YY1: variants seen among roughly 807,000 people sequenced by gnomAD.
YY1 encodes transcriptional repressor protein YY1.
A neutral mutation model predicts 35.6 loss-of-function variants in YY1; 2 were observed. That is an observed-to-expected ratio of 0.06 (90% CI 0.02 to 0.18). YY1 has a LOEUF of 0.18. Ranked by LOEUF, YY1 falls within the 10% of genes least tolerant of loss-of-function variation. The pLI, the probability that YY1 is intolerant of heterozygous loss-of-function variation, is 1.00. For missense variants in YY1, 322 were observed against 573.4 expected, an observed-to-expected ratio of 0.56 and a Z score of 4.48; for synonymous variants, 268 against 238.9, an observed-to-expected ratio of 1.12 and a Z score of -1.12.
Position 100,276,307 on chromosome 14 carries a change from C to A in YY1, c.904-183C>A. The A allele has an allele frequency of 1.2e-6, 1 of 800,016 alleles. No homozygotes were observed. Among genetic ancestry groups the A allele is most frequent in the African/African-American group, 1.7e-5 (1 of 57,794 alleles). 49.6% of individuals were successfully genotyped at this position (800,016 alleles called of 1,614,324 possible). ...AACTAGGGTTTGCATTGAATGATGA[C>A]TTTTTCAGCTGTCTGCTTTTTGTCT... On this transcript the variant is annotated intron_variant, in intron 3 of 4. Coordinates refer to ENST00000262238, the MANE Select transcript of YY1 (RefSeq NM_003403.5). The surrounding 1 kb of genome is among the most constrained non-coding windows in gnomAD (Gnocchi z 4.1).
At chr14:100,275,378 ATTTAGTTTCACGGTCTCTTCCCTGT>A (rs1313860660) in intron 3 of YY1, among the ~76,000 whole-genome samples, 3 of 152,238 alleles carry the variant, frequency 2.0e-5, no homozygotes, top group Non-Finnish European at 2.9e-5. Context: ...AGCAGGCTAC[ATTTAGTTTCACGGTCTCTTCCCTGT>A]AATGACTGTG....
At chr14:100,252,035 G>C (rs1269657701) in intron 1 of YY1, among the ~76,000 whole-genome samples, 1 of 152,204 alleles carries the variant, frequency 6.6e-6, no homozygotes, top group Non-Finnish European at 1.5e-5. Context: ...GTTTTGGAGA[G>C]TGGACTGGGC....
chr14:100,262,185 A>G (rs1424662226), intron 1 of YY1, 119 bp from the exon 2 acceptor site: 3 of 1,057,412 alleles, frequency 2.8e-6, no homozygotes, highest in East Asian at 2.6e-5. Flanking sequence ...GGGAGAGGGG[A>G]GAACAAATTG....
intron 1 of YY1, among the ~76,000 whole-genome samples, chr14:100,258,565 C>G (rs561768594): frequency 6.6e-6 from 1 of 152,080 alleles, no homozygotes; most frequent in Non-Finnish European, 1.5e-5. Context: ...GGGGTTTCAC[C>G]GTGGTCTCGA....
chr14:100,263,105 A>C (rs568393519), intron 2 of YY1, among the ~76,000 whole-genome samples: 40 of 152,296 alleles, frequency 2.6e-4, no homozygotes, highest in Admixed American at 3.3e-4. Context: ...ACAGGGTTTC[A>C]TCCTGTTGGC....
At chr14:100,257,810 T>C (rs1416787093) in intron 1 of YY1, among the ~76,000 whole-genome samples, 1 of 152,218 alleles carries the variant, frequency 6.6e-6, no homozygotes, top group African/African-American at 2.4e-5. Flanking sequence ...ATCAGTAGCT[T>C]ATTCAGAGTA....
chr14:100,261,548 C>A (rs1366250241), intron 1 of YY1, among the ~76,000 whole-genome samples: 1 of 152,160 alleles, frequency 6.6e-6, no homozygotes, highest in Non-Finnish European at 1.5e-5. Flanking sequence ...TCTGTAAATG[C>A]ACGGGATCAA....
At chr14:100,273,292 A>AT (rs937793653) in intron 2 of YY1, among the ~76,000 whole-genome samples, 45 of 151,684 alleles carry the variant, frequency 3.0e-4, no homozygotes, top group Non-Finnish European at 4.9e-4. Flanking sequence ...TATTTTATTT[A>AT]TTTTTTTAAA....
At chr14:100,247,387 T>C (rs1890849513) in intron 1 of YY1, among the ~76,000 whole-genome samples, 1 of 151,400 alleles carries the variant, frequency 6.6e-6, no homozygotes, top group Non-Finnish European at 1.5e-5. Flanking sequence ...TTTTTTCTTT[T>C]TTTTTTTTTT....
chr14:100,265,873 T>C (rs1891146978), intron 2 of YY1, among the ~76,000 whole-genome samples: 1 of 152,024 alleles, frequency 6.6e-6, no homozygotes, highest in Admixed American at 6.6e-5. Flanking sequence ...GGTCTTGAAC[T>C]CCTAACCTCA....
intron 1 of YY1, among the ~76,000 whole-genome samples, chr14:100,248,135 T>TTTTTTTTTTTA (rs1890862914): frequency 6.7e-6 from 1 of 148,754 alleles, no homozygotes; most frequent in African/African-American, 2.5e-5. Flanking sequence ...TTTTTTTTTT[T>TTTTTTTTTTTA]GAGACAGTCT....
At chr14:100,240,451 C>T (rs901662471) in intron 1 of YY1, among the ~76,000 whole-genome samples, 2 of 151,896 alleles carry the variant, frequency 1.3e-5, no homozygotes, top group Non-Finnish European at 2.9e-5. Flanking sequence ...GGGCGCTTGC[C>T]CCGCCCGCCC....
intron 1 of YY1, among the ~76,000 whole-genome samples, chr14:100,249,154 C>G (rs1487074257): frequency 1.9e-5 from 2 of 106,278 alleles, no homozygotes; most frequent in Non-Finnish European, 3.7e-5. Context: ...GAGTTTTGCT[C>G]TGTTGCCCAG....
At chr14:100,252,239 G>A (rs982008773) in intron 1 of YY1, among the ~76,000 whole-genome samples, 2 of 152,098 alleles carry the variant, frequency 1.3e-5, no homozygotes, top group Non-Finnish European at 2.9e-5. Flanking sequence ...CTGGAAATTG[G>A]AGTCTACAAA....
intron 2 of YY1, among the ~76,000 whole-genome samples, chr14:100,267,164 T>TGAGG (rs1363050458): frequency 1.3e-5 from 2 of 151,686 alleles, no homozygotes; most frequent in Non-Finnish European, 2.9e-5. Flanking sequence ...TGAAAAGGGG[T>TGAGG]GAGGGAGTAG....
chr14:100,269,465 G>T (rs1360300360), intron 2 of YY1, among the ~76,000 whole-genome samples: 1 of 152,006 alleles, frequency 6.6e-6, no homozygotes, highest in Non-Finnish European at 1.5e-5. Context: ...GGACTCTCTG[G>T]GTTCAAAAGT....
At chr14:100,275,642 A>T (rs1364184199) in intron 3 of YY1, 1 of 152,262 alleles carries the variant, frequency 6.6e-6, no homozygotes, top group Admixed American at 6.5e-5. Context: ...ATTGTGTACC[A>T]GTTAAATTTT....
At position 100,279,289 on chromosome 14, in the gene YY1, G is replaced by A. The variant is rs940245207; in HGVS notation, c.*1689G>A. 2 of 152,178 alleles carry A rather than the reference G, an allele frequency of 1.3e-5. No individual in the cohort carries two copies. The highest frequency in any genetic ancestry group is 4.1e-4 in the South Asian group (2 of 4,830). The allele number at this position is 152,178 out of a possible 1,614,324, so 9.4% of individuals were successfully genotyped here. On this transcript the variant is annotated 3_prime_UTR_variant, in exon 5 of 5. Transcript: ENST00000262238. The stretch of plus-strand genomic sequence containing the variant: ...ATAAATGACAAACTAGCTAATATCC[G>A]AGATTTATTTACAAATGGCCAGGGA...
In YY1 at chr14:100,279,566, CTGTAT is replaced by C. The variant is rs1249913766; in HGVS notation, c.*1967_*1971del. 1 of 152,258 alleles carries C rather than the reference CTGTAT, an allele frequency of 6.6e-6. No homozygotes were observed. 9.4% of individuals were successfully genotyped at this position (152,258 alleles called of 1,614,324 possible). ...TGTTTTCTGGGTAAGCCAGGCTTTG[CTGTAT>C]CTGGCAGTCAGGAGAGAGGTCAGCC... On this transcript the variant is annotated 3_prime_UTR_variant, in exon 5 of 5. Coordinates refer to ENST00000262238, the MANE Select transcript of YY1 (RefSeq NM_003403.5).
Sources: allele counts gnomAD v4.1 joint callset (sites outside exome capture counted in the v4.1 genomes callset), GRCh38; gene constraint gnomAD v4.1.1; non-coding constraint Gnocchi (gnomAD v3.1); transcripts MANE v1.5; gene names NCBI Gene and HGNC (gene_info 2026-07-23, HGNC 2026-07-21).